RMDN2: variants seen among roughly 807,000 people sequenced by gnomAD.
The protein encoded by RMDN2 is regulator of microtubule dynamics 2.
In RMDN2, 61 loss-of-function variants were observed where a neutral mutation model predicts 52.8. That is an observed-to-expected ratio of 1.16 (90% CI 0.94 to 1.43). The LOEUF (loss-of-function observed/expected upper bound fraction) is 1.43. Among genes scored for constraint, RMDN2 ranks in the 40% most tolerant of loss-of-function variants. RMDN2 has a pLI of 0.00. For missense variants in RMDN2, 592 were observed against 475.3 expected (o/e 1.25, Z -2.28); for synonymous variants, 180 against 153.1 (o/e 1.18, Z -1.30).
intron 2 of RMDN2, 143 bp from the exon 3 acceptor site, chr2:37,973,897 T>G: frequency 1.6e-6 from 1 of 629,170 alleles, no homozygotes; most frequent in East Asian, 3.0e-5. Context: ...CTGTTAGGAC[T>G]GGAGCTTTTT....
intron 2 of RMDN2, among the ~76,000 whole-genome samples, chr2:37,955,593 G>T (rs1669347141): frequency 6.6e-6 from 1 of 152,002 alleles, no homozygotes; most frequent in Admixed American, 6.6e-5. Flanking sequence ...TGAATCATGG[G>T]GGCCGATCTT....
At chr2:37,924,100 T>C (rs1364734936), upstream of RMDN2, among the ~76,000 whole-genome samples, 1 of 152,138 alleles carries the variant, frequency 6.6e-6, no homozygotes, top group Non-Finnish European at 1.5e-5. Context: ...TATTCTTCAA[T>C]GCGGCTTGCC....
At chr2:38,004,585 CT>C (rs1405383104) in intron 10 of RMDN2, among the ~76,000 whole-genome samples, 1 of 152,080 alleles carries the variant, frequency 6.6e-6, no homozygotes, top group Non-Finnish European at 1.5e-5. Context: ...CCTATTCATC[CT>C]GCATAACTGA....
At chr2:37,981,375 A>G in intron 5 of RMDN2, 32 bp downstream of exon 5, 1 of 1,367,018 alleles carries the variant, frequency 7.3e-7, no homozygotes, top group Non-Finnish European at 1.0e-6. Context: ...AGTCTTTTAA[A>G]TTCTAACCTG....
downstream of RMDN2, among the ~76,000 whole-genome samples, chr2:38,018,380 G>C (rs1679076485): frequency 6.6e-6 from 1 of 152,128 alleles, no homozygotes; most frequent in South Asian, 2.1e-4. Context: ...AATTTATCGA[G>C]AGCCTTTGAA....
chr2:37,969,196 T>C (rs562885052), intron 2 of RMDN2, among the ~76,000 whole-genome samples: 1 of 152,240 alleles, frequency 6.6e-6, no homozygotes, highest in East Asian at 1.9e-4. Context: ...TTGTCTTGGC[T>C]CTTCTTGCAC....
At chr2:37,933,957 C>T (rs564036284) in intron 2 of RMDN2, among the ~76,000 whole-genome samples, 2 of 152,270 alleles carry the variant, frequency 1.3e-5, no homozygotes, top group African/African-American at 4.8e-5. Context: ...TTATAATCTC[C>T]TGTGGGACTG....
chr2:38,051,721 C>A (rs1165969470), intron 10 of RMDN2, among the ~76,000 whole-genome samples: 1 of 152,220 alleles, frequency 6.6e-6, no homozygotes, highest in Non-Finnish European at 1.5e-5. Context: ...CTCTCTCTCT[C>A]TACCTCTGTG....
intron 4 of RMDN2, among the ~76,000 whole-genome samples, chr2:37,975,564 G>T (rs1672359966): frequency 6.6e-6 from 1 of 152,138 alleles, no homozygotes; most frequent in South Asian, 2.1e-4. Context: ...TCTTGGGGTG[G>T]GAGGCTAGGG....
intron 10 of RMDN2, among the ~76,000 whole-genome samples, chr2:38,016,912 A>G (rs932409952): frequency 2.0e-5 from 3 of 152,108 alleles, no homozygotes; most frequent in Admixed American, 2.0e-4. Flanking sequence ...ATAGAGCGAC[A>G]CTCCAGGACA....
chr2:38,061,550 T>G (rs1327583926), intron 10 of RMDN2, among the ~76,000 whole-genome samples: 2 of 151,834 alleles, frequency 1.3e-5, no homozygotes, highest in African/African-American at 4.8e-5. Context: ...AGGAAGCTTG[T>G]CCTTAATGCC....
At chr2:38,061,804 G>T (rs929127351) in intron 10 of RMDN2, among the ~76,000 whole-genome samples, 1 of 152,122 alleles carries the variant, frequency 6.6e-6, no homozygotes, top group African/African-American at 2.4e-5. Flanking sequence ...CTACTAATAG[G>T]TGCTCAATTA....
chr2:37,991,217 C>A lies in RMDN2; in HGVS notation c.868-3C>A. On this transcript the variant is annotated splice_region_variant and splice_polypyrimidine_tract_variant and intron_variant, in intron 6 of 10. Coordinates refer to ENST00000354545, the MANE Select transcript of RMDN2 (RefSeq NM_001170791.3). ...ATGATTTTCCTTTGGATGCTTTTTT[C>A]AGGAACATCTAGATATAGCAATCAA... The A allele has an allele frequency of 6.4e-7, 1 of 1,550,492 alleles. No individual in the cohort carries two copies. Among genetic ancestry groups the A allele is most frequent in the Non-Finnish European group, 8.7e-7 (1 of 1,143,148 alleles).
chr2:37,949,507 G>A (rs551761495), intron 2 of RMDN2, among the ~76,000 whole-genome samples: 9 of 152,288 alleles, frequency 5.9e-5, no homozygotes, highest in African/African-American at 2.2e-4. Context: ...AGTAACATAA[G>A]TCTTCTGTCT....
intron 7 of RMDN2, among the ~76,000 whole-genome samples, chr2:37,995,926 A>G (rs1675473598): frequency 6.6e-6 from 1 of 152,216 alleles, no homozygotes; most frequent in South Asian, 2.1e-4. Context: ...TTTCAAGGAT[A>G]TGTATGGAGC....
chr2:37,978,540 C>T (rs1449044929), intron 4 of RMDN2, among the ~76,000 whole-genome samples: 1 of 152,004 alleles, frequency 6.6e-6, no homozygotes, highest in African/African-American at 2.4e-5. Flanking sequence ...AAGAAGAGTA[C>T]AGAGGCTGGA....
intron 7 of RMDN2, among the ~76,000 whole-genome samples, chr2:37,995,795 A>G (rs1227354695): frequency 6.6e-6 from 1 of 152,252 alleles, no homozygotes; most frequent in Admixed American, 6.5e-5. Flanking sequence ...TTTTCTGATC[A>G]TAATGCAATT....
At chr2:38,030,406 C>T (rs1680105596) in intron 10 of RMDN2, 1 of 152,104 alleles carries the variant, frequency 6.6e-6, no homozygotes. Context: ...AATAAAGTAA[C>T]TTCTGCAACA....
At chr2:38,000,884 A>G (rs1676227803) in intron 8 of RMDN2, among the ~76,000 whole-genome samples, 1 of 152,232 alleles carries the variant, frequency 6.6e-6, no homozygotes, top group Admixed American at 6.5e-5. Context: ...GTCATATGGT[A>G]TGTGCTTTTA....
Sources: gnomAD v4.1 joint callset for allele counts (sites outside exome capture counted in the v4.1 genomes callset) on GRCh38, gnomAD v4.1.1 for gene constraint, MANE v1.5 for transcripts, NCBI Gene and HGNC (gene_info 2026-07-23, HGNC 2026-07-21) for gene names.